Variants in STX11 observed in about 807,000 individuals in gnomAD.
STX11 encodes the protein syntaxin 11.
A neutral mutation model predicts 19.9 loss-of-function variants in STX11; 21 were observed. The observed-to-expected ratio is 1.06, with a 90% confidence interval of 0.75 to 1.52. The LOEUF is 1.52. Ranked by LOEUF, STX11 falls within the 40% of genes most tolerant of loss-of-function variation. The probability of loss-of-function intolerance (pLI) is 0.00; values close to 1 mark genes in which losing one functional copy is unlikely to be tolerated. For missense variants in STX11, 438 were observed against 405.9 expected, an observed-to-expected ratio of 1.08 and a Z score of -0.68; for synonymous variants, 193 against 174.4, an observed-to-expected ratio of 1.11 and a Z score of -0.84.
intron 1 of STX11, among the ~76,000 whole-genome samples, chr6:144,166,728 G>A (rs1047204388): frequency 5.9e-5 from 9 of 151,790 alleles, no homozygotes; most frequent in South Asian, 2.1e-4. Flanking sequence ...ATTTCACCAC[G>A]TTGGCCAGGC....
chr6:144,170,983 TA>T lies in STX11; in HGVS notation c.-5-15639del, dbSNP rs1801615801. Reference sequence around the variant, plus strand: ...ATTTATACATGGAGAAGACCAGGTATAGAGAAGATGGCCTACAACAATACAG... The same window carrying T: ...ATTTATACATGGAGAAGACCAGGTATGAGAAGATGGCCTACAACAATACAG... On this transcript the variant is annotated intron_variant, in intron 1 of 1. Coordinates refer to ENST00000367568, the MANE Select transcript of STX11 (RefSeq NM_003764.4). This position sits in a 1 kb window ranked among gnomAD's most constrained non-coding sequence, Gnocchi z 4.7. Among the ~76,000 whole-genome samples, 1 of 152,194 alleles carries T rather than the reference TA, an allele frequency of 6.6e-6. No individual in the cohort carries two copies. The highest frequency in any genetic ancestry group is 6.5e-5 in the Admixed American group (1 of 15,282).
At chr6:144,141,653 TTTGTTGTTGTTGTTG>T in the STX11 span, among the ~76,000 whole-genome samples, 38 of 150,470 alleles carry the variant, frequency 2.5e-4, no homozygotes, top group South Asian at 6.3e-4. Flanking sequence ...TATTTTCAGT[TTTGTTGTTGTTGTTG>T]TTGTTGTTGT....
At chr6:144,142,663 T>C in the STX11 span, among the ~76,000 whole-genome samples, 1 of 152,226 alleles carries the variant, frequency 6.6e-6, no homozygotes, top group Non-Finnish European at 1.5e-5. Context: ...AAGCCAGACA[T>C]AGGCAAATTT....
In STX11 at chr6:144,160,777, C is replaced by CA. The variant is rs1801314678; in HGVS notation, c.-6+10081dup. ...TTCAGCATCTTGACCACAAAGACAC[C>CA]AAAAAAACTGGAACTATAAATTATA... On this transcript the variant is annotated intron_variant, in intron 1 of 1. Coordinates refer to ENST00000367568, the MANE Select transcript of STX11 (RefSeq NM_003764.4). This position sits in a 1 kb window ranked among gnomAD's most constrained non-coding sequence, Gnocchi z 4.3. Among the ~76,000 whole-genome samples, 1 of 151,912 alleles carries CA rather than the reference C, an allele frequency of 6.6e-6. No homozygotes were observed. Among genetic ancestry groups the CA allele is most frequent in the African/African-American group, 2.4e-5 (1 of 41,386 alleles).
intron 1 of STX11, among the ~76,000 whole-genome samples, 189 bp downstream of exon 1, chr6:144,150,892 T>C (rs1267577765): frequency 2.6e-5 from 4 of 152,058 alleles, no homozygotes; most frequent in African/African-American, 9.6e-5. Context: ...AAACACAGCA[T>C]TGGGTTTCTC....
intron 1 of STX11, among the ~76,000 whole-genome samples, chr6:144,157,724 C>A (rs755492675): frequency 2.4e-4 from 37 of 152,150 alleles, no homozygotes; most frequent in Non-Finnish European, 3.1e-4. Flanking sequence ...CTCTGGCACC[C>A]AGAGTGGCTA....
Position 144,150,520 on chromosome 6 carries a change from T to C in STX11, c.-189T>C, listed in dbSNP as rs2128745427. 1 of 985,282 alleles carries C rather than the reference T, an allele frequency of 1.0e-6. No homozygotes were observed. The highest frequency in any genetic ancestry group is 1.7e-5 in the African/African-American group (1 of 57,306). 61.0% of individuals were successfully genotyped at this position (985,282 alleles called of 1,614,324 possible). A position where few individuals can be genotyped will look rare whatever the true frequency, so the allele number is the denominator to read the frequency against. On this transcript the variant is annotated 5_prime_UTR_variant, in exon 1 of 2. An upstream start codon of the reference 5' UTR is lost. Coordinates refer to ENST00000367568, the MANE Select transcript of STX11 (RefSeq NM_003764.4). ...GGGGGCTGAGCCGGCGGCGCCCAGATGCGGCCGCGGCGGCGCGGAGCTCGG... is the reference window on the plus strand; with the variant it reads ...GGGGGCTGAGCCGGCGGCGCCCAGACGCGGCCGCGGCGGCGCGGAGCTCGG...
chr6:144,186,498 A>C (rs929077493), intron 1 of STX11, 125 bp from the exon 2 acceptor site: 2 of 1,158,550 alleles, frequency 1.7e-6, no homozygotes, highest in Non-Finnish European at 2.5e-6. Flanking sequence ...CCTTTAGTGC[A>C]CTTATTGCCC....
the STX11 span, among the ~76,000 whole-genome samples, chr6:144,140,232 ATATATATATATATATATATATATT>A: frequency 2.6e-3 from 125 of 48,184 alleles, 2 homozygotes; most frequent in South Asian, 4.8e-3. Flanking sequence ...ATATATATAT[ATATATATATATATATATATATATT>A]TATTTATTTA....
chr6:144,180,514 A>G lies in STX11; in HGVS notation c.-5-6109A>G, dbSNP rs1414501583. On this transcript the variant is annotated intron_variant, in intron 1 of 1. Coordinates refer to ENST00000367568, the MANE Select transcript of STX11 (RefSeq NM_003764.4). The surrounding 1 kb of genome is among the most constrained non-coding windows in gnomAD (Gnocchi z 5.3). Reference sequence around the variant, plus strand: ...CGTGATAGTGAATAAGTCTCATGAGATCTGATGGGTTTATCAGGGGTTTCT... The same window carrying G: ...CGTGATAGTGAATAAGTCTCATGAGGTCTGATGGGTTTATCAGGGGTTTCT... 6.6e-6 allele frequency among the ~76,000 whole-genome samples: 1 copy of G among 152,144 alleles called. No homozygotes were observed. Among genetic ancestry groups the G allele is most frequent in the Admixed American group, 6.5e-5 (1 of 15,280 alleles).
the STX11 span, among the ~76,000 whole-genome samples, chr6:144,142,357 T>C: frequency 6.6e-6 from 1 of 152,150 alleles, no homozygotes; most frequent in African/African-American, 2.4e-5. Context: ...TTGTCTTGTA[T>C]GTGAGTAATG....
upstream of STX11, among the ~76,000 whole-genome samples, chr6:144,146,777 T>C (rs1230646532): frequency 2.0e-5 from 3 of 152,058 alleles, no homozygotes; most frequent in Admixed American, 6.6e-5. This position sits in a 1 kb window ranked among gnomAD's most constrained non-coding sequence, Gnocchi z 4.4. Flanking sequence ...GGCTGGTCTC[T>C]AACTCCCGGG....
chr6:144,171,759 C>T lies in STX11; in HGVS notation c.-5-14864C>T, dbSNP rs187764031. On this transcript the variant is annotated intron_variant, in intron 1 of 1. Coordinates refer to ENST00000367568, the MANE Select transcript of STX11 (RefSeq NM_003764.4). ...TCACCGTAAGTATGACCACAGTCTT[C>T]AAAAAACAAACAAACAAAAAAGAAG... 4.3e-3 allele frequency among the ~76,000 whole-genome samples: 648 copies of T among 151,394 alleles called. 5 individuals are homozygous for T. The highest frequency in any genetic ancestry group is 0.015 in the African/African-American group (624 of 41,242).
Position 144,151,165 on chromosome 6 carries a change from C to A in STX11, c.-6+462C>A. 1 of 908,826 alleles carries A rather than the reference C, an allele frequency of 1.1e-6. No homozygotes were observed. Among genetic ancestry groups the A allele is most frequent in the Non-Finnish European group, 1.3e-6 (1 of 760,182 alleles). The allele number at this position is 908,826 out of a possible 1,614,324, so 56.3% of individuals were successfully genotyped here. On this transcript the variant is annotated intron_variant, in intron 1 of 1. Transcript: ENST00000367568. The surrounding 1 kb of genome is among the most constrained non-coding windows in gnomAD (Gnocchi z 4.6). ...TGAACTTGGCGGTGTCACTCAGTAG[C>A]CAGGAAAGACGGAGAAATTGATAGA... is the stretch of plus-strand genomic sequence containing the variant.
intron 1 of STX11, among the ~76,000 whole-genome samples, chr6:144,178,583 G>A (rs544873432): frequency 1.3e-5 from 2 of 152,294 alleles, no homozygotes; most frequent in Admixed American, 6.5e-5. Flanking sequence ...TATGTCAGAG[G>A]GCATCAAATG....
rs1340935145 is a variant in STX11 at position 144,174,678 on chromosome 6, T to C, written c.-5-11945T>C. 2.6e-5 allele frequency among the ~76,000 whole-genome samples: 4 copies of C among 152,122 alleles called. No homozygotes were observed. Among genetic ancestry groups the C allele is most frequent in the Non-Finnish European group, 5.9e-5 (4 of 68,014 alleles). On this transcript the variant is annotated intron_variant, in intron 1 of 1. Transcript: ENST00000367568. The surrounding 1 kb of genome is among the most constrained non-coding windows in gnomAD (Gnocchi z 5.3). ...CTGTGCCTGGCCAGAAAAGTTTTTT[T>C]TGCACCCTTTCACAAAGAGTATGTA...
At chr6:144,145,051 AC>A in the STX11 span, among the ~76,000 whole-genome samples, 30,552 of 152,148 alleles carry the variant, frequency 0.2, 3,752 homozygotes, top group South Asian at 0.36. Flanking sequence ...CTGGGTATAT[AC>A]CCCCCAAAAA....
chr6:144,149,908 G>T (rs1800949393), upstream of STX11, among the ~76,000 whole-genome samples: 1 of 152,214 alleles, frequency 6.6e-6, no homozygotes. The surrounding 1 kb of genome is among the most constrained non-coding windows in gnomAD (Gnocchi z 5.1). Flanking sequence ...GGACCTGGAG[G>T]GTGGGTCTTG....
chr6:144,175,694 A>G lies in STX11; in HGVS notation c.-5-10929A>G, dbSNP rs945570918. On this transcript the variant is annotated intron_variant, in intron 1 of 1. Coordinates refer to ENST00000367568, the MANE Select transcript of STX11 (RefSeq NM_003764.4). This position sits in a 1 kb window ranked among gnomAD's most constrained non-coding sequence, Gnocchi z 5.1. ...TTACAGTGAAGGCACTGTGCAAGCT[A>G]GTCATTACAGGCTTTTTCTGCTCTC... Among the ~76,000 whole-genome samples, 3 of 152,238 alleles carry G rather than the reference A, an allele frequency of 2.0e-5. No homozygotes were observed. The highest frequency in any genetic ancestry group is 7.2e-5 in the African/African-American group (3 of 41,464).
Sources: gnomAD v4.1 joint callset for allele counts (sites outside exome capture counted in the v4.1 genomes callset) on GRCh38, gnomAD v4.1.1 for gene constraint, Gnocchi (gnomAD v3.1) non-coding constraint, MANE v1.5 for transcripts, NCBI Gene and HGNC (gene_info 2026-07-23, HGNC 2026-07-21) for gene names.